BCAR3: variants seen among roughly 807,000 people sequenced by gnomAD.
BCAR3 encodes the protein breast cancer anti-estrogen resistance protein 3.
In BCAR3, 37 loss-of-function variants were observed where a neutral mutation model predicts 80.1. That is an observed-to-expected ratio of 0.46 (90% CI 0.36 to 0.61). The LOEUF is 0.61. Ranked by LOEUF, BCAR3 falls within the 20% of genes least tolerant of loss-of-function variation. BCAR3 has a pLI of 0.00. For missense variants in BCAR3, 978 were observed against 1,068.2 expected (o/e 0.92, Z 1.18); for synonymous variants, 389 against 418.9 (o/e 0.93, Z 0.87).
chr1:93,833,849 G>T (rs1654668240), intron 2 of BCAR3, among the ~76,000 whole-genome samples: 1 of 152,142 alleles, frequency 6.6e-6, no homozygotes, highest in African/African-American at 2.4e-5. Context: ...TATATCCTCA[G>T]CTTATGAAGA....
chr1:93,614,034 T>TG (rs938848924), intron 3 of BCAR3: 140 of 1,478,434 alleles, frequency 9.5e-5, no homozygotes, highest in Non-Finnish European at 1.2e-4. Flanking sequence ...GTGCTGTTTC[T>TG]GCCCAGAAGT....
At chr1:93,649,357 G>A (rs560000071) in intron 2 of BCAR3, among the ~76,000 whole-genome samples, 2 of 152,324 alleles carry the variant, frequency 1.3e-5, no homozygotes, top group Admixed American at 6.5e-5. Context: ...ACTGCTAACT[G>A]CAGCCAGTGC....
intron 2 of BCAR3, among the ~76,000 whole-genome samples, chr1:93,773,796 T>C (rs185347999): frequency 7.9e-4 from 120 of 152,348 alleles, no homozygotes; most frequent in African/African-American, 2.6e-3. Context: ...GTTTTCTTTA[T>C]ATTAATGCTC....
In BCAR3 at chr1:93,755,008, C is replaced by A. The variant is rs147531268; in HGVS notation, c.-62-48866G>T. 4.3e-3 allele frequency among the ~76,000 whole-genome samples: 651 copies of A among 152,220 alleles called. 2 individuals are homozygous for A. Among genetic ancestry groups the A allele is most frequent in the African/African-American group, 0.015 (626 of 41,528 alleles). ...GTGAAACACAGTGATGCTGATCATC[C>A]TGACCCTGCCTAGGCTGAGGCTAAT... On this transcript the variant is annotated intron_variant, in intron 2 of 13. Transcript: ENST00000370244.
intron 2 of BCAR3, among the ~76,000 whole-genome samples, chr1:93,843,957 A>G (rs569845123): frequency 8.5e-5 from 13 of 152,214 alleles, no homozygotes; most frequent in Non-Finnish European, 1.9e-4. Flanking sequence ...AAATATATAC[A>G]GTAGAAGTAT....
At chr1:93,801,427 T>C (rs12128215) in intron 2 of BCAR3, among the ~76,000 whole-genome samples, 15,120 of 152,256 alleles carry the variant, frequency 0.099, 961 homozygotes, top group East Asian at 0.18. Flanking sequence ...AAAAGAAGGT[T>C]AAAATTAAAA....
At chr1:93,601,488 TA>T (rs1030494081) in intron 3 of BCAR3, among the ~76,000 whole-genome samples, 1 of 152,192 alleles carries the variant, frequency 6.6e-6, no homozygotes, top group Non-Finnish European at 1.5e-5. Flanking sequence ...AAGCACTTTG[TA>T]TGCATATATC....
At chr1:93,846,398 A>G (rs1557709051) in intron 1 of BCAR3, among the ~76,000 whole-genome samples, 1 of 152,180 alleles carries the variant, frequency 6.6e-6, no homozygotes, top group African/African-American at 2.4e-5. Context: ...CTGTGAGCTA[A>G]TAGGAACGGG....
intron 3 of BCAR3, among the ~76,000 whole-genome samples, chr1:93,639,655 T>G (rs948087008): frequency 1.3e-5 from 2 of 152,170 alleles, no homozygotes. Context: ...TTTTGTATTT[T>G]TAGTAGAGAC....
At chr1:93,632,555 T>C (rs1166001592) in intron 3 of BCAR3, among the ~76,000 whole-genome samples, 1 of 152,172 alleles carries the variant, frequency 6.6e-6, no homozygotes, top group Non-Finnish European at 1.5e-5. Context: ...TTTCAACTTA[T>C]GATATTTTCA....
intron 1 of BCAR3, among the ~76,000 whole-genome samples, chr1:93,677,886 A>G (rs1399318658): frequency 6.6e-6 from 1 of 152,206 alleles, no homozygotes; most frequent in East Asian, 1.9e-4. Context: ...TTTAAACCAG[A>G]GAGTAGATCC....
Position 93,705,217 on chromosome 1 carries a change from T to C in BCAR3, c.-12+875A>G, listed in dbSNP as rs1341629320. 2.0e-5 allele frequency among the ~76,000 whole-genome samples: 3 copies of C among 152,162 alleles called. No individual in the cohort carries two copies. The South Asian group carries it at 6.2e-4, about 32-fold the overall frequency. ...AGAACTTCACGGGCTGGGTGGTATGTAAGCATCTCCATCTCGTGCATTTAG... is the reference window on the plus strand; with the variant it reads ...AGAACTTCACGGGCTGGGTGGTATGCAAGCATCTCCATCTCGTGCATTTAG... On this transcript the variant is annotated intron_variant, in intron 3 of 13. Transcript: ENST00000370244.
At chr1:93,677,029 T>A (rs1476028487) in intron 1 of BCAR3, among the ~76,000 whole-genome samples, 1 of 152,236 alleles carries the variant, frequency 6.6e-6, no homozygotes, top group Non-Finnish European at 1.5e-5. Flanking sequence ...ATACTTCCCC[T>A]TCTTACCTTC....
At chr1:93,701,840 C>A (rs1385069876) in intron 3 of BCAR3, among the ~76,000 whole-genome samples, 1 of 152,188 alleles carries the variant, frequency 6.6e-6, no homozygotes, top group Non-Finnish European at 1.5e-5. Context: ...CTTCCTGCAT[C>A]CCTGAGTGGC....
intron 2 of BCAR3, among the ~76,000 whole-genome samples, chr1:93,750,808 G>A (rs12039656): frequency 6.6e-6 from 1 of 152,320 alleles, no homozygotes; most frequent in East Asian, 1.9e-4. Context: ...GCTTTGAGGT[G>A]ATTCCAGGTT....
chr1:93,667,759 G>A (rs535190675), intron 2 of BCAR3, among the ~76,000 whole-genome samples: 27 of 152,316 alleles, frequency 1.8e-4, no homozygotes, highest in African/African-American at 6.5e-4. Flanking sequence ...GCCTCTTGGT[G>A]ACAGACTGGA....
chr1:93,753,033 T>G (rs1651617542), intron 2 of BCAR3: 1 of 152,220 alleles, frequency 6.6e-6, no homozygotes, highest in African/African-American at 2.4e-5. Context: ...TTAATCTCTC[T>G]AATGATATTA....
At chr1:93,679,841 CT>C (rs1170692388) in intron 1 of BCAR3, among the ~76,000 whole-genome samples, 2 of 152,168 alleles carry the variant, frequency 1.3e-5, no homozygotes, top group Non-Finnish European at 2.9e-5. Flanking sequence ...GGATTTTACT[CT>C]TTTATTTCTG....
At chr1:93,606,682 T>C (rs1674780214) in intron 3 of BCAR3, among the ~76,000 whole-genome samples, 1 of 152,034 alleles carries the variant, frequency 6.6e-6, no homozygotes, top group Non-Finnish European at 1.5e-5. Flanking sequence ...AACTACGGCT[T>C]GGGAGTCCTC....
Sources: allele counts gnomAD v4.1 joint callset (sites outside exome capture counted in the v4.1 genomes callset), GRCh38; gene constraint gnomAD v4.1.1; transcripts MANE v1.5; gene names NCBI Gene and HGNC (gene_info 2026-07-23, HGNC 2026-07-21).